STK32B: variants seen among roughly 807,000 people sequenced by gnomAD.
The protein encoded by STK32B is serine/threonine-protein kinase 32B.
A neutral mutation model predicts 52.6 loss-of-function variants in STK32B; 43 were observed. That is an observed-to-expected ratio of 0.82 (90% confidence interval 0.64 to 1.05). The LOEUF is 1.05. STK32B is among the 50% of genes least tolerant of loss of function. STK32B has a pLI of 0.00. For missense variants in STK32B, 621 were observed against 534.6 expected (o/e 1.16, Z -1.59); for synonymous variants, 238 against 204.3 (o/e 1.17, Z -1.41).
intron 1 of STK32B, among the ~76,000 whole-genome samples, chr4:5,062,104 G>A (rs529621452): frequency 2.8e-4 from 42 of 152,162 alleles, no homozygotes; most frequent in African/African-American, 9.9e-4. Flanking sequence ...ATCTGTACAC[G>A]AGCGCCTTCT....
At chr4:5,335,956 A>T (rs369221889) in intron 4 of STK32B, among the ~76,000 whole-genome samples, 2 of 151,434 alleles carry the variant, frequency 1.3e-5, no homozygotes, top group Non-Finnish European at 2.9e-5. Flanking sequence ...AGTAGTATTG[A>T]GAACGCAGAC....
At chr4:5,028,806 T>C in the STK32B span, among the ~76,000 whole-genome samples, 1 of 152,154 alleles carries the variant, frequency 6.6e-6, no homozygotes, top group African/African-American at 2.4e-5. Context: ...CACACTACCA[T>C]AAAGAAATAC....
rs1214228971 is a variant in STK32B at position 5,249,481 on chromosome 4, TCCTTCCTTCCTTCCTTCCTTCCTC to T, written c.260+81035_260+81058del. Reference sequence around the variant, plus strand: ...TTCCTTCCTTCCTTCCTTCCTTCCTTCCTTCCTTCCTTCCTTCCTTCCTCCCTCCCTTCCTTTAAACTTTTCTTC... The same window carrying T: ...TTCCTTCCTTCCTTCCTTCCTTCCTTCCTCCCTTCCTTTAAACTTTTCTTC... On this transcript the variant is annotated intron_variant, in intron 3 of 11. Coordinates refer to ENST00000282908, the MANE Select transcript of STK32B (RefSeq NM_018401.3). 6.9e-3 allele frequency among the ~76,000 whole-genome samples: 796 copies of T among 115,082 alleles called. 10 individuals carry two copies. The highest frequency in any genetic ancestry group is 0.017 in the South Asian group (60 of 3,626). The allele number at this position is 115,082 out of a possible 152,430, so 75.5% of individuals were successfully genotyped here.
intron 3 of STK32B, among the ~76,000 whole-genome samples, chr4:5,317,951 C>T (rs980479713): frequency 2.0e-5 from 3 of 152,138 alleles, no homozygotes; most frequent in African/African-American, 4.8e-5. Context: ...AGGTTTTGTC[C>T]CAGGCCTACC....
Position 5,416,844 on chromosome 4 carries a change from G to A in STK32B, c.473-1G>A, listed in dbSNP as rs780132939. The A allele has an allele frequency of 3.1e-6, 5 of 1,613,202 alleles. No individual in the cohort carries two copies. Among genetic ancestry groups the A allele is most frequent in the Admixed American group, 1.7e-5 (1 of 59,912 alleles). On this transcript the variant is annotated splice_acceptor_variant, in intron 5 of 11. Coordinates refer to ENST00000282908, the MANE Select transcript of STK32B (RefSeq NM_018401.3). LOFTEE classifies it high-confidence loss of function. ...TGGAGTTTCTGTTTCTGTATTTGCA[G>A]GACATGTTCACATTACAGACTTCAA...
intron 3 of STK32B, among the ~76,000 whole-genome samples, chr4:5,192,693 C>A (rs1332476712): frequency 6.6e-6 from 1 of 151,974 alleles, no homozygotes; most frequent in Non-Finnish European, 1.5e-5. Context: ...CTGATTAACC[C>A]ATCCACCACC....
At chr4:5,124,761 C>T (rs996129396) in intron 1 of STK32B, among the ~76,000 whole-genome samples, 3 of 152,116 alleles carry the variant, frequency 2.0e-5, no homozygotes, top group African/African-American at 4.8e-5. Flanking sequence ...TATAGATGCA[C>T]GTGTGTGTTT....
intron 3 of STK32B, among the ~76,000 whole-genome samples, chr4:5,196,132 A>G (rs77164750): frequency 0.083 from 12,567 of 152,138 alleles, 1,388 homozygotes; most frequent in African/African-American, 0.25. Flanking sequence ...CAAGATGGAA[A>G]TGCAGGTGGA....
intron 4 of STK32B, among the ~76,000 whole-genome samples, chr4:5,337,151 T>TC (rs1041222550): frequency 7.9e-5 from 12 of 151,840 alleles, no homozygotes; most frequent in African/African-American, 2.9e-4. Flanking sequence ...GCCAATTTTT[T>TC]TTTTTTTTGT....
At chr4:5,374,651 C>T (rs1009667097) in intron 4 of STK32B, among the ~76,000 whole-genome samples, 5 of 152,116 alleles carry the variant, frequency 3.3e-5, no homozygotes, top group Admixed American at 1.3e-4. Flanking sequence ...CTCCCTTCAG[C>T]GTCTTTTATA....
rs1410693309 is a variant in STK32B at position 5,470,197 on chromosome 4, A to G, written c.1106+2127A>G. 6.6e-6 allele frequency among the ~76,000 whole-genome samples: 1 copy of G among 152,184 alleles called. No homozygotes were observed. Among genetic ancestry groups the G allele is most frequent in the Non-Finnish European group, 1.5e-5 (1 of 68,034 alleles). Reference sequence around the variant, plus strand: ...CTGCTTTTAGCAGAAACCTCACTATATAGGAGCTTCAGCCGAGTAGATGTT... The same window carrying G: ...CTGCTTTTAGCAGAAACCTCACTATGTAGGAGCTTCAGCCGAGTAGATGTT... On this transcript the variant is annotated intron_variant, in intron 11 of 11. Transcript: ENST00000282908. This position sits in a 1 kb window ranked among gnomAD's most constrained non-coding sequence, Gnocchi z 4.6.
At chr4:5,462,595 G>C (rs1490138596) in intron 9 of STK32B, among the ~76,000 whole-genome samples, 1 of 152,208 alleles carries the variant, frequency 6.6e-6, no homozygotes, top group African/African-American at 2.4e-5. Context: ...CACCAGCACT[G>C]TGCTGCACAG....
At chr4:5,075,876 A>G (rs979561744) in intron 1 of STK32B, among the ~76,000 whole-genome samples, 3 of 152,166 alleles carry the variant, frequency 2.0e-5, no homozygotes, top group Admixed American at 2.0e-4. Flanking sequence ...GCAGGGGTCC[A>G]TGTAATTACA....
chr4:5,449,571 C>A (rs1346718854), intron 7 of STK32B, among the ~76,000 whole-genome samples: 1 of 152,194 alleles, frequency 6.6e-6, no homozygotes, highest in Non-Finnish European at 1.5e-5. Context: ...GTTCTCCAAC[C>A]CCTGGGGCTG....
Position 5,466,781 on chromosome 4 carries a change from A to C in STK32B, c.988A>C (p.Lys330Gln), listed in dbSNP as rs190741865. The C allele has an allele frequency of 2.5e-6, 4 of 1,614,066 alleles. No homozygotes were observed. In the East Asian group the frequency reaches 6.7e-5, roughly 27 times the overall value. ...ATCCAAGCCACTTCACAAAAAGAAG[A>C]AGCGATTGGCAAAGAACAGATCCAG... is the stretch of plus-strand genomic sequence containing the variant. The part of the protein sequence containing the change: ...LESKPLHKKK[K>Q]RLAKNRSRDG... The change falls in exon 10 of 12, where the codon AAG (lysine) becomes CAG (glutamine). Residue 330 changes from lysine to glutamine, a missense_variant. Lys to Gln is a moderately conservative substitution (Grantham distance 53). Transcript: ENST00000282908.
intron 4 of STK32B, among the ~76,000 whole-genome samples, chr4:5,383,167 G>T (rs998144589): frequency 7.9e-5 from 12 of 152,174 alleles, no homozygotes; most frequent in Non-Finnish European, 1.5e-4. Context: ...GTGAGTGTGG[G>T]TGTCCGGGCC....
chr4:5,066,285 C>A (rs1046629080), intron 1 of STK32B, among the ~76,000 whole-genome samples: 6 of 152,104 alleles, frequency 3.9e-5, no homozygotes, highest in African/African-American at 1.4e-4. Context: ...GATTTTATCT[C>A]CTAAATAGCT....
chr4:5,360,721 G>T (rs1269421711), intron 4 of STK32B, among the ~76,000 whole-genome samples: 1 of 152,130 alleles, frequency 6.6e-6, no homozygotes, highest in Non-Finnish European at 1.5e-5. Flanking sequence ...CAGGAGAATC[G>T]CTTGAACCAG....
intron 4 of STK32B, among the ~76,000 whole-genome samples, chr4:5,360,217 C>G (rs985234189): frequency 6.6e-6 from 1 of 152,154 alleles, no homozygotes; most frequent in Non-Finnish European, 1.5e-5. Context: ...TTCAAAAATT[C>G]CATTGTGAAG....
Sources: gnomAD v4.1 joint callset for allele counts (sites outside exome capture counted in the v4.1 genomes callset) on GRCh38, gnomAD v4.1.1 for gene constraint, Gnocchi (gnomAD v3.1) non-coding constraint, MANE v1.5 for transcripts, NCBI Gene and HGNC (gene_info 2026-07-23, HGNC 2026-07-21) for gene names.